SEC16A: variants seen among roughly 807,000 people sequenced by gnomAD.
SEC16A encodes SEC16 homolog A, endoplasmic reticulum export factor.
In SEC16A, 110 loss-of-function variants were observed where a neutral mutation model predicts 221.9. That is an observed-to-expected ratio of 0.50 (90% CI 0.42 to 0.58). The LOEUF (loss-of-function observed/expected upper bound fraction) is 0.58, where lower values mean the gene tolerates loss of function less well. Ranked by LOEUF, SEC16A falls within the 20% of genes least tolerant of loss-of-function variation. SEC16A has a pLI of 0.00. For synonymous variants in SEC16A, 1,393 were observed against 1,257.7 expected (o/e 1.11, Z -2.28); for missense variants, 3,165 against 3,097.8 (o/e 1.02, Z -0.52).
chr9:136,480,728 A>G (rs541674932), intron 1 of SEC16A, among the ~76,000 whole-genome samples: 3 of 152,108 alleles, frequency 2.0e-5, no homozygotes, highest in African/African-American at 7.2e-5. Context: ...CGTCTCTACT[A>G]AAATACAAAA....
chr9:136,457,364 C>G, intron 18 of SEC16A, 80 bp downstream of exon 18: 1 of 1,480,690 alleles, frequency 6.8e-7, no homozygotes, highest in South Asian at 1.3e-5. Context: ...CCATCGCTAC[C>G]CCCATGCCCG....
At position 136,472,072 on chromosome 9, in the gene SEC16A, C is replaced by T. The variant is rs1219428797; in HGVS notation, c.3607G>A (p.Asp1203Asn). The T allele has an allele frequency of 6.2e-7, 1 of 1,613,594 alleles. No homozygotes were observed. Among genetic ancestry groups the T allele is most frequent in the African/African-American group, 1.3e-5 (1 of 74,934 alleles). Reference sequence around the variant, plus strand: ...TGGGCGTAAGCAGACGCAGCACCATCATAGGGCCTGTATCGAGGCTCATAG... The same window carrying T: ...TGGGCGTAAGCAGACGCAGCACCATTATAGGGCCTGTATCGAGGCTCATAG... ...SLYEPRYRPY[D>N]GAASAYAQNY... Residue 1203 changes from aspartate (D) to asparagine (N), a missense_variant, in exon 4 of 32, where the codon GAT becomes AAT. By Grantham distance (23) the Asp-to-Asn change is conservative. Around this residue, in one of 3 missense-constraint regions of SEC16A, gnomAD observed 2,030 missense variants for 1,923.1 expected, o/e 1.06. Transcript: ENST00000684901.
chr9:136,454,430 G>C, intron 20 of SEC16A, 103 bp from the exon 21 acceptor site: 1 of 1,085,614 alleles, frequency 9.2e-7, no homozygotes, highest in Non-Finnish European at 1.4e-6. Flanking sequence ...ATTTTGTACA[G>C]CCCCATTTCT....
Position 136,459,493 on chromosome 9 carries a change from C to A in SEC16A, c.5254G>T (p.Val1752Phe). 1 of 1,608,154 alleles carries A rather than the reference C, an allele frequency of 6.2e-7. No individual in the cohort carries two copies. The highest frequency in any genetic ancestry group is 8.5e-7 in the Non-Finnish European group (1 of 1,177,024). ...AGCTTTGTAGTTTTCTTCGTGTAAA[C>A]ACCAAATCCCGCCTGGGCCATGAGG... ...CYLMAQAGFG[V>F]YTKKTTKLVL... Residue 1752 changes from valine to phenylalanine, a missense_variant, in exon 16 of 32, where the codon GTT becomes TTT. Physicochemically the swap from Val to Phe is conservative, Grantham distance 50. Around this residue, in one of 3 missense-constraint regions of SEC16A, gnomAD observed 1,088 missense variants for 1,089.6 expected, o/e 1.00. Coordinates refer to ENST00000684901, the MANE Select transcript of SEC16A (RefSeq NM_014866.2). The surrounding 1 kb of genome is among the most constrained non-coding windows in gnomAD (Gnocchi z 6.1).
Position 136,466,931 on chromosome 9 carries a change from T to C in SEC16A, c.3929+26A>G, listed in dbSNP as rs778731119. ...GCGCGCCCTGGCTGCCCCCAGCCTC[T>C]GCCTCCCCAGGGGTGCTCCACCAAC... On this transcript the variant is annotated intron_variant, in intron 6 of 31. Coordinates refer to ENST00000684901, the MANE Select transcript of SEC16A (RefSeq NM_014866.2). The surrounding 1 kb of genome is among the most constrained non-coding windows in gnomAD (Gnocchi z 5.5). 3.7e-5 allele frequency: 60 copies of C among 1,605,088 alleles called. No homozygotes were observed. In the South Asian group the frequency reaches 5.9e-4, roughly 16 times the overall value.
At chr9:136,463,407 C>T in intron 11 of SEC16A, 56 bp downstream of exon 11, 2 of 1,591,402 alleles carry the variant, frequency 1.3e-6, no homozygotes, top group South Asian at 1.1e-5. Flanking sequence ...TGAGCATTCC[C>T]AAGACGAAAT....
Position 136,471,982 on chromosome 9 carries a change from G to C in SEC16A, c.3697C>G (p.Pro1233Ala). ...SRASHSSERP[P>A]PRQGYPEGYY... ...GGGTGGGCGCGGCCGCACCTGGGAGGTGGCCGTTCCGAGGAGTGGCTGGCT... is the reference window on the plus strand; with the variant it reads ...GGGTGGGCGCGGCCGCACCTGGGAGCTGGCCGTTCCGAGGAGTGGCTGGCT... Residue 1233 changes from proline to alanine, a missense_variant, in exon 4 of 32, where the codon CCT becomes GCT. Pro to Ala is a conservative substitution (Grantham distance 27). Coordinates refer to ENST00000684901, the MANE Select transcript of SEC16A (RefSeq NM_014866.2). 6.2e-7 allele frequency: 1 copy of C among 1,611,994 alleles called. No individual in the cohort carries two copies. The highest frequency in any genetic ancestry group is 8.5e-7 in the Non-Finnish European group (1 of 1,179,824).
In SEC16A at chr9:136,447,443, C is replaced by CA; in HGVS notation, c.6560-80dup. The CA allele has an allele frequency of 6.4e-7, 1 of 1,572,492 alleles. No individual in the cohort carries two copies. The highest frequency in any genetic ancestry group is 8.6e-7 in the Non-Finnish European group (1 of 1,157,858). ...TCCAAATGCTCTGCGCTCACTGCGT[C>CA]AGAGGAAAAGCACGCAGGGACGTGC... is the stretch of plus-strand genomic sequence containing the variant. On this transcript the variant is annotated intron_variant, in intron 26 of 31. Transcript: ENST00000684901. The surrounding 1 kb of genome is among the most constrained non-coding windows in gnomAD (Gnocchi z 5.5).
At position 136,464,439 on chromosome 9, in the gene SEC16A, A is replaced by G. The variant is rs1462358682; in HGVS notation, c.4427T>C (p.Val1476Ala). The change falls in exon 9 of 32, where the codon GTG (valine) becomes GCG (alanine). Residue 1476 changes from valine to alanine, a missense_variant. Physicochemically the swap from Val to Ala is moderately conservative, Grantham distance 64 (BLOSUM62 0). This residue lies in a region of SEC16A where 47 missense variants were observed against 85.0 expected (regional missense o/e 0.55). Coordinates refer to ENST00000684901, the MANE Select transcript of SEC16A (RefSeq NM_014866.2). Reference protein sequence around the residue: ...NLPSEGQPALVEVHSMEALLQ... With the variant: ...NLPSEGQPALAEVHSMEALLQ... ...CATTACCTCCATGCTGTGGACCTCC[A>G]CCAAGGCCGGCTGTCCTTCTGAAGG... The G allele has an allele frequency of 2.5e-6, 4 of 1,611,332 alleles. No homozygotes were observed. Among genetic ancestry groups the G allele is most frequent in the South Asian group, 1.1e-5 (1 of 91,042 alleles).
upstream of SEC16A, chr9:136,483,524 C>G (rs1431896001): frequency 2.0e-6 from 2 of 985,110 alleles, no homozygotes; most frequent in Non-Finnish European, 2.4e-6. Context: ...TGGCCCCGCC[C>G]CTCGCCACCT....
intron 4 of SEC16A, 40 bp from the exon 5 acceptor site, chr9:136,468,552 ATTTC>A (rs779461570): frequency 4.6e-6 from 6 of 1,305,972 alleles, no homozygotes; most frequent in Admixed American, 1.7e-5. Context: ...CAAATTACCT[ATTTC>A]TTAAAGTGTG....
At chr9:136,472,579 C>T (rs1841020613) in intron 3 of SEC16A, among the ~76,000 whole-genome samples, 1 of 152,214 alleles carries the variant, frequency 6.6e-6, no homozygotes, top group South Asian at 2.1e-4. Flanking sequence ...ACCAGGGTCC[C>T]AGTGAACAGA....
Position 136,447,236 on chromosome 9 carries a change from G to A in SEC16A, c.6688C>T (p.Pro2230Ser). 2 of 1,593,946 alleles carry A rather than the reference G, an allele frequency of 1.3e-6. No individual in the cohort carries two copies. The highest frequency in any genetic ancestry group is 1.8e-5 in the Admixed American group (1 of 56,694). Residue 2230 changes from proline (P) to serine (S), a missense_variant, in exon 27 of 32, where the codon CCA becomes TCA. Physicochemically the swap from Pro to Ser is moderately conservative, Grantham distance 74. This residue lies in a region of SEC16A where 1,088 missense variants were observed against 1,089.6 expected (regional missense o/e 1.00). Transcript: ENST00000684901. This position sits in a 1 kb window ranked among gnomAD's most constrained non-coding sequence, Gnocchi z 5.5. Reference protein sequence around the residue: ...PLPIPSNLFVPTPDAEEPQLP... With the variant: ...PLPIPSNLFVSTPDAEEPQLP... ...TGCTCGTGCTACCTACCTGGGGTTG[G>A]CACGAACAAGTTAGAAGGAATTGGG... is the stretch of plus-strand genomic sequence containing the variant.
rs755316492 is a variant in SEC16A, at chr9:136,454,185, C to T, written c.6000G>A (p.Gly2000=). The change falls in exon 21 of 32, where the codon GGG becomes GGA. Residue 2000 remains glycine (G), a synonymous_variant. Transcript: ENST00000684901. ...GTGGCACACCAGGTGGGAGGCCAGG[C>T]CCGGAGGGCTCCAGGAAGCCAAGTG... The part of the protein sequence containing the change: ...GPALGFLEPS[G]PGLPPGVPPL... The T allele has an allele frequency of 2.6e-6, 4 of 1,559,948 alleles. No individual in the cohort carries two copies. Among genetic ancestry groups the T allele is most frequent in the Non-Finnish European group, 3.5e-6 (4 of 1,151,802 alleles).
chr9:136,457,320 AG>A, intron 18 of SEC16A, 123 bp downstream of exon 18: 1 of 1,049,692 alleles, frequency 9.5e-7, no homozygotes, highest in Non-Finnish European at 1.3e-6. Flanking sequence ...CCCAAGAGGC[AG>A]GTTCTGAGCG....
intron 3 of SEC16A, 127 bp downstream of exon 3, chr9:136,473,922 G>A (rs762314607): frequency 3.0e-4 from 310 of 1,016,468 alleles, no homozygotes; most frequent in Non-Finnish European, 3.8e-4. Context: ...CTGTTCTCAC[G>A]CCTGCGGGAC....
chr9:136,449,305 C>A (rs1837460811), intron 23 of SEC16A, among the ~76,000 whole-genome samples: 1 of 152,214 alleles, frequency 6.6e-6, no homozygotes, highest in Non-Finnish European at 1.5e-5. Flanking sequence ...GGCTGGAGTG[C>A]AATGGCGCGA....
upstream of SEC16A, chr9:136,483,082 CT>C: frequency 1.1e-6 from 1 of 939,356 alleles, no homozygotes; most frequent in Non-Finnish European, 1.3e-6. Flanking sequence ...ACGTGTCCGG[CT>C]TACGACATCA....
rs772707536 is a variant in SEC16A at position 136,474,951 on chromosome 9, G to A, written c.2665C>T (p.Pro889Ser). ...SGENTSLSGI[P>S]TSSVLSLSLP... ...GACAAGCTAAGGACAGAGCTGGTTG[G>A]AATCCCAGACAAAGAAGTGTTCTCC... Residue 889 changes from proline (P) to serine (S), a missense_variant, in exon 3 of 32, where the codon CCA becomes TCA. Physicochemically the swap from Pro to Ser is moderately conservative, Grantham distance 74. This residue lies in a region of SEC16A where 2,030 missense variants were observed against 1,923.1 expected (regional missense o/e 1.06). Transcript: ENST00000684901. 2 of 1,613,760 alleles carry A rather than the reference G, an allele frequency of 1.2e-6. No individual in the cohort carries two copies. The highest frequency in any genetic ancestry group is 1.7e-5 in the Admixed American group (1 of 60,014).
Sources: gnomAD v4.1 joint callset for allele counts (sites outside exome capture counted in the v4.1 genomes callset) on GRCh38, gnomAD v4.1.1 for gene constraint, gnomAD v4.1.1 regional missense constraint, Gnocchi (gnomAD v3.1) non-coding constraint, MANE v1.5 for transcripts, NCBI Gene and HGNC (gene_info 2026-07-23, HGNC 2026-07-21) for gene names.